Variants in GNS observed in about 807,000 individuals in gnomAD.
GNS encodes the protein glucosamine (N-acetyl)-6-sulfatase.
Under a neutral mutation model 69.7 loss-of-function variants are expected in GNS, and 40 were observed. That is an observed-to-expected ratio of 0.57 (90% CI 0.45 to 0.75). The LOEUF (loss-of-function observed/expected upper bound fraction) is 0.75, where lower values mean the gene tolerates loss of function less well. Ranked by LOEUF, GNS falls within the 30% of genes least tolerant of loss-of-function variation. The pLI is 0.00. For missense variants in GNS, 565 were observed against 685.5 expected (o/e 0.82, Z 1.96); for synonymous variants, 243 against 251.6 (o/e 0.97, Z 0.32).
chr12:64,740,868 A>G (rs373078937), intron 6 of GNS, among the ~76,000 whole-genome samples, 180 bp from the exon 7 acceptor site: 83 of 152,232 alleles, frequency 5.5e-4, no homozygotes, highest in African/African-American at 1.9e-3. Context: ...TAAAATAGAA[A>G]TTTCTGTAGA....
chr12:64,720,121 G>A lies in GNS; in HGVS notation c.1481C>T (p.Thr494Ile). 1.2e-6 allele frequency: 2 copies of A among 1,604,894 alleles called. No homozygotes were observed. Among genetic ancestry groups the A allele is most frequent in the Non-Finnish European group, 1.7e-6 (2 of 1,171,620 alleles). The change falls in exon 13 of 14, where the codon ACC becomes ATC. Residue 494 changes from threonine to isoleucine, a missense_variant. Transcript: ENST00000258145. ...CTTTCCTAAAAGCTCTGGGTCTATG[G>A]TTTTAGCAATGTTAGTGATCTGGTC... Reference protein sequence around the residue: ...DPDQITNIAKTIDPELLGKMN... With the variant: ...DPDQITNIAKIIDPELLGKMN...
rs1869878976 is a variant in GNS at position 64,745,703 on chromosome 12, C to T, written c.481G>A (p.Gly161Arg). ...CAACCCAGAGGAACGTGTTCTAGTC[C>T]ACCTGCATCTGGGGCTCCGTACTGA... ...LNEYGAPDAGGLEHVPLGWSY... is the reference protein window; with the variant it reads ...LNEYGAPDAGRLEHVPLGWSY... Residue 161 changes from glycine (G) to arginine (R), a missense_variant, in exon 4 of 14, where the codon GGA becomes AGA. By Grantham distance (125) the Gly-to-Arg change is moderately radical (BLOSUM62 -2). Coordinates refer to ENST00000258145, the MANE Select transcript of GNS (RefSeq NM_002076.4). 6.2e-7 allele frequency: 1 copy of T among 1,607,722 alleles called. No homozygotes were observed. Among genetic ancestry groups the T allele is most frequent in the Non-Finnish European group, 8.5e-7 (1 of 1,174,144 alleles).
chr12:64,745,204 CTTT>C (rs141453545), intron 4 of GNS, among the ~76,000 whole-genome samples: 23,156 of 42,404 alleles, frequency 0.55, 5,726 homozygotes, highest in East Asian at 0.65. Flanking sequence ...AGTCAATAGA[CTTT>C]TTTTTTTTTT....
chr12:64,733,078 C>T (rs1369012841), intron 9 of GNS, among the ~76,000 whole-genome samples: 1 of 151,656 alleles, frequency 6.6e-6, no homozygotes, highest in Non-Finnish European at 1.5e-5. Flanking sequence ...TGTTCCAGAC[C>T]AGCCTGGGCA....
chr12:64,750,371 T>C (rs1049525980), intron 2 of GNS, among the ~76,000 whole-genome samples: 3 of 152,084 alleles, frequency 2.0e-5, no homozygotes, highest in Admixed American at 1.3e-4. Flanking sequence ...TTTTTAAGTA[T>C]TTTTAGTAGA....
chr12:64,723,220 G>A, intron 10 of GNS, 107 bp from the exon 11 acceptor site: 1 of 736,664 alleles, frequency 1.4e-6, no homozygotes, highest in Middle Eastern at 2.7e-4. Flanking sequence ...TAATTGGACT[G>A]TTCATTCAGT....
chr12:64,752,053 A>T (rs770451119), intron 2 of GNS, among the ~76,000 whole-genome samples: 4 of 152,140 alleles, frequency 2.6e-5, no homozygotes, highest in Non-Finnish European at 5.9e-5. Context: ...ACTCTGAAGA[A>T]GATTTTGGTA....
intron 6 of GNS, among the ~76,000 whole-genome samples, chr12:64,742,892 G>A (rs190111853): frequency 4.1e-4 from 63 of 152,284 alleles, no homozygotes; most frequent in African/African-American, 1.5e-3. Context: ...TGATATTCCT[G>A]TAAATTGGGA....
chr12:64,715,177 GACA>G lies in GNS; in HGVS notation c.*1561_*1563del, dbSNP rs1242163249. 3.3e-5 allele frequency: 5 copies of G among 152,522 alleles called. No homozygotes were observed. The highest frequency in any genetic ancestry group is 1.2e-4 in the African/African-American group (5 of 41,434). 9.4% of individuals were successfully genotyped at this position (152,522 alleles called of 1,614,324 possible). Reference sequence around the variant, plus strand: ...CACCACCAATTAGCCTTCTTGTGAGGACAACATTAGAAATGGAACTGGTTTTTG... The same window carrying G: ...CACCACCAATTAGCCTTCTTGTGAGGACATTAGAAATGGAACTGGTTTTTG... On this transcript the variant is annotated 3_prime_UTR_variant, in exon 14 of 14. Transcript: ENST00000258145.
chr12:64,733,951 A>C (rs1488912192), intron 9 of GNS, among the ~76,000 whole-genome samples: 3 of 152,254 alleles, frequency 2.0e-5, no homozygotes, highest in Admixed American at 6.5e-5. Context: ...ACACAGCTTA[A>C]GTCCACCAGT....
chr12:64,755,831 A>G (rs1870234217), intron 1 of GNS, among the ~76,000 whole-genome samples: 2 of 151,100 alleles, frequency 1.3e-5, no homozygotes, highest in Non-Finnish European at 2.9e-5. Context: ...GGCACGCACC[A>G]CCATGCCCGG....
At chr12:64,752,808 A>G (rs775115509) in intron 1 of GNS, 51 bp from the exon 2 acceptor site, 4 of 899,774 alleles carry the variant, frequency 4.4e-6, no homozygotes, top group Non-Finnish European at 3.7e-6. Flanking sequence ...ATAAATTGAG[A>G]CACACAGCCC....
chr12:64,719,630 T>C (rs1029349963), intron 13 of GNS, among the ~76,000 whole-genome samples: 3 of 152,212 alleles, frequency 2.0e-5, no homozygotes, highest in African/African-American at 7.2e-5. Flanking sequence ...TAGGGGTTTC[T>C]GAGAAATGAA....
chr12:64,717,145 T>C (rs1167774872), intron 13 of GNS, among the ~76,000 whole-genome samples: 1 of 152,172 alleles, frequency 6.6e-6, no homozygotes, highest in African/African-American at 2.4e-5. Flanking sequence ...TTACAGTGCT[T>C]GTGTTCAAGT....
At chr12:64,736,250 G>C (rs1372564720) in intron 9 of GNS, among the ~76,000 whole-genome samples, 1 of 152,172 alleles carries the variant, frequency 6.6e-6, no homozygotes, top group Non-Finnish European at 1.5e-5. Flanking sequence ...ACCACGTTTA[G>C]AAAAAGACAC....
rs185192867 is a variant in GNS at position 64,750,028 on chromosome 12, C to A, written c.253-2110G>T. ...AAGTAGATGGGACCACAGACGTGCA[C>A]CACCATGCCTCTGTTTTTGTTGCTG... is the stretch of plus-strand genomic sequence containing the variant. On this transcript the variant is annotated intron_variant, in intron 2 of 13. Coordinates refer to ENST00000258145, the MANE Select transcript of GNS (RefSeq NM_002076.4). 2.6e-5 allele frequency among the ~76,000 whole-genome samples: 4 copies of A among 152,068 alleles called. No homozygotes were observed. In the East Asian group the frequency reaches 5.8e-4, roughly 22 times the overall value.
intron 9 of GNS, among the ~76,000 whole-genome samples, chr12:64,729,832 TA>T (rs1400119534): frequency 2.6e-5 from 4 of 152,182 alleles, no homozygotes; most frequent in African/African-American, 9.7e-5. Context: ...TAAAAACAGG[TA>T]AAACTGTATA....
chr12:64,717,924 T>A (rs1868917471), intron 13 of GNS, among the ~76,000 whole-genome samples: 2 of 152,218 alleles, frequency 1.3e-5, no homozygotes, highest in South Asian at 4.1e-4. Flanking sequence ...GGGGGACTAC[T>A]GCATTTTAGA....
intron 7 of GNS, among the ~76,000 whole-genome samples, chr12:64,740,057 A>C (rs527978798): frequency 5.9e-5 from 9 of 152,376 alleles, no homozygotes; most frequent in African/African-American, 2.2e-4. Context: ...CTTTTGTGCT[A>C]CAACAGCAGA....
Sources: allele counts gnomAD v4.1 joint callset (sites outside exome capture counted in the v4.1 genomes callset), GRCh38; gene constraint gnomAD v4.1.1; transcripts MANE v1.5; gene names NCBI Gene and HGNC (gene_info 2026-07-23, HGNC 2026-07-21).